The following AKR1C8 variants were observed in gnomAD, a reference collection of about 807,000 sequenced individuals.
AKR1C8 encodes aldo-keto reductase family 1 member C8.
the AKR1C8 span, among the ~76,000 whole-genome samples, chr10:5,178,331 TGTGGTCTGAGAGACA>T: frequency 5.9e-5 from 9 of 152,240 alleles, no homozygotes; most frequent in African/African-American, 1.7e-4. Context: ...TTGATTGCAC[TGTGGTCTGAGAGACA>T]GTTTGTTATA....
the AKR1C8 span, among the ~76,000 whole-genome samples, chr10:5,177,375 G>T: frequency 0.54 from 82,016 of 151,556 alleles, 23,084 homozygotes; most frequent in Non-Finnish European, 0.6. Context: ...GCTGGATTCG[G>T]TTTGCCAGTA....
chr10:5,143,410 T>C, the AKR1C8 span, among the ~76,000 whole-genome samples: 1 of 152,160 alleles, frequency 6.6e-6, no homozygotes, highest in African/African-American at 2.4e-5. Context: ...CCTCAGCTTC[T>C]CAGGCTTTCA....
chr10:5,123,602 T>C, the AKR1C8 span: 1 of 1,056,650 alleles, frequency 9.5e-7, no homozygotes, highest in Non-Finnish European at 1.3e-6. Flanking sequence ...ATGCAAATTC[T>C]CACCTTACCC....
chr10:5,182,421 TAAAG>T, the AKR1C8 span, among the ~76,000 whole-genome samples: 7 of 152,094 alleles, frequency 4.6e-5, no homozygotes, highest in Non-Finnish European at 1.0e-4. Context: ...CTATAATAAA[TAAAG>T]AATGTCACTT....
the AKR1C8 span, among the ~76,000 whole-genome samples, chr10:5,171,132 T>G: frequency 3.6e-4 from 55 of 152,282 alleles, no homozygotes; most frequent in Admixed American, 1.9e-3. Flanking sequence ...TTAAAAGTCC[T>G]GAACATTTTT....
At chr10:5,158,452 T>C in the AKR1C8 span, 1 of 357,422 alleles carries the variant, frequency 2.8e-6, no homozygotes, top group Non-Finnish European at 5.6e-6. Context: ...AGCTCAGTAG[T>C]GATACATGGG....
At chr10:5,147,017 T>A in the AKR1C8 span, among the ~76,000 whole-genome samples, 1 of 152,164 alleles carries the variant, frequency 6.6e-6, no homozygotes, top group Non-Finnish European at 1.5e-5. Context: ...GGCTCATGGT[T>A]CTGCATACTG....
the AKR1C8 span, among the ~76,000 whole-genome samples, chr10:5,177,801 T>C: frequency 6.6e-6 from 1 of 152,200 alleles, no homozygotes; most frequent in Non-Finnish European, 1.5e-5. Context: ...TGGTAGTTTG[T>C]ATTTCTGTGG....
At chr10:5,131,573 T>C in the AKR1C8 span, among the ~76,000 whole-genome samples, 6 of 151,502 alleles carry the variant, frequency 4.0e-5, no homozygotes, top group South Asian at 1.0e-3. Flanking sequence ...AACAAACATA[T>C]GAAAAAAGGT....
chr10:5,136,421 G>A, the AKR1C8 span, among the ~76,000 whole-genome samples: 1 of 148,016 alleles, frequency 6.8e-6, no homozygotes, highest in Admixed American at 6.8e-5. Context: ...GGTGGCAAAT[G>A]CCTATAATTC....
chr10:5,132,486 A>G, the AKR1C8 span: 6 of 982,180 alleles, frequency 6.1e-6, no homozygotes, highest in South Asian at 2.0e-4. Flanking sequence ...AATATGTGTC[A>G]ATAAATTGGA....
At chr10:5,142,315 C>A in the AKR1C8 span, among the ~76,000 whole-genome samples, 1 of 152,080 alleles carries the variant, frequency 6.6e-6, no homozygotes, top group Non-Finnish European at 1.5e-5. Flanking sequence ...TTCTTCTTAT[C>A]AGTAGTAAAG....
chr10:5,159,727 C>A, the AKR1C8 span, among the ~76,000 whole-genome samples: 1 of 152,146 alleles, frequency 6.6e-6, no homozygotes, highest in Non-Finnish European at 1.5e-5. Flanking sequence ...TCTTCCACCC[C>A]ACTCAAATTG....
the AKR1C8 span, among the ~76,000 whole-genome samples, chr10:5,148,871 A>G: frequency 2.6e-5 from 4 of 152,040 alleles, no homozygotes; most frequent in African/African-American, 9.7e-5. Flanking sequence ...CCTATGTCAT[A>G]CCAGGAAGTC....
chr10:5,153,440 G>A, the AKR1C8 span, among the ~76,000 whole-genome samples: 11 of 152,108 alleles, frequency 7.2e-5, no homozygotes, highest in African/African-American at 2.7e-4. Context: ...ATTATTTCAA[G>A]TTTATAAAAA....
chr10:5,125,918 T>C, the AKR1C8 span, among the ~76,000 whole-genome samples: 2 of 152,178 alleles, frequency 1.3e-5, no homozygotes, highest in African/African-American at 4.8e-5. Flanking sequence ...AATCTATCAC[T>C]GTAGTCTGGC....
chr10:5,143,670 CAT>C, the AKR1C8 span, among the ~76,000 whole-genome samples: 31 of 148,676 alleles, frequency 2.1e-4, no homozygotes, highest in Admixed American at 1.0e-3. Context: ...CATGTGTAAA[CAT>C]ATGGATCTAA....
At chr10:5,165,474 C>A in the AKR1C8 span, among the ~76,000 whole-genome samples, 2 of 152,082 alleles carry the variant, frequency 1.3e-5, no homozygotes, top group Non-Finnish European at 2.9e-5. Flanking sequence ...CCTTCTATAT[C>A]CCTCTAATAG....
At chr10:5,183,998 C>T in the AKR1C8 span, among the ~76,000 whole-genome samples, 1 of 152,264 alleles carries the variant, frequency 6.6e-6, no homozygotes, top group East Asian at 1.9e-4. Flanking sequence ...CTCCAGTGGG[C>T]TCTGGTGGGC....
Sources: allele counts gnomAD v4.1 joint callset (sites outside exome capture counted in the v4.1 genomes callset), GRCh38; gene constraint gnomAD v4.1.1; transcripts MANE v1.5; gene names NCBI Gene and HGNC (gene_info 2026-07-23, HGNC 2026-07-21).